Variants in VAV3 observed in about 807,000 individuals in gnomAD.
VAV3 encodes the protein guanine nucleotide exchange factor VAV3.
VAV3 carries 94 observed loss-of-function variants against 131.2 expected under a neutral mutation model. The observed-to-expected ratio is 0.72, with a 90% confidence interval of 0.61 to 0.85. The LOEUF (loss-of-function observed/expected upper bound fraction) is 0.85, where lower values mean the gene tolerates loss of function less well. VAV3 is among the 40% of genes least tolerant of loss of function. VAV3 has a pLI of 0.00. For missense variants in VAV3, 939 were observed against 1,002.7 expected (o/e 0.94, Z 0.86); for synonymous variants, 349 against 342.0 (o/e 1.02, Z -0.22).
chr1:107,875,526 A>T (rs1262194023), intron 1 of VAV3, among the ~76,000 whole-genome samples: 1 of 152,238 alleles, frequency 6.6e-6, no homozygotes, highest in Admixed American at 6.5e-5. Context: ...AGGCCCTGAC[A>T]TAGAGGCCTC....
chr1:107,641,283 C>T (rs1655317521), intron 20 of VAV3, among the ~76,000 whole-genome samples: 1 of 152,098 alleles, frequency 6.6e-6, no homozygotes, highest in Non-Finnish European at 1.5e-5. Context: ...AATAGCTGTC[C>T]CTTCTGCATG....
chr1:107,677,058 T>C (rs1570736051), intron 19 of VAV3, among the ~76,000 whole-genome samples: 1 of 152,162 alleles, frequency 6.6e-6, no homozygotes, highest in East Asian at 1.9e-4. Context: ...AACATAAGCT[T>C]TTATTTTCAT....
chr1:107,738,244 A>G (rs1328871359), intron 15 of VAV3, among the ~76,000 whole-genome samples: 1 of 152,140 alleles, frequency 6.6e-6, no homozygotes, highest in Non-Finnish European at 1.5e-5. Context: ...TAGGAGAAAA[A>G]CCTAATGTAA....
chr1:107,731,787 G>A (rs1316970979), intron 15 of VAV3, among the ~76,000 whole-genome samples: 1 of 152,158 alleles, frequency 6.6e-6, no homozygotes, highest in Non-Finnish European at 1.5e-5. Flanking sequence ...TGTTAAAATG[G>A]AGGAGCTTTA....
chr1:107,781,000 G>C (rs1665655711), intron 2 of VAV3, among the ~76,000 whole-genome samples: 1 of 152,130 alleles, frequency 6.6e-6, no homozygotes, highest in African/African-American at 2.4e-5. Flanking sequence ...ACATAAAAAT[G>C]AAGTCTCTCC....
At chr1:107,708,585 T>C (rs924080955) in intron 15 of VAV3, among the ~76,000 whole-genome samples, 1 of 152,170 alleles carries the variant, frequency 6.6e-6, no homozygotes, top group Non-Finnish European at 1.5e-5. Context: ...CCTGGCTCCA[T>C]CACAGGCCTT....
chr1:107,957,592 C>T (rs1200362169), intron 1 of VAV3, among the ~76,000 whole-genome samples: 1 of 151,936 alleles, frequency 6.6e-6, no homozygotes, highest in Admixed American at 6.6e-5. Flanking sequence ...AAAGAGAAAA[C>T]TCTAAAATGT....
intron 22 of VAV3, among the ~76,000 whole-genome samples, chr1:107,607,588 T>C (rs769513237): frequency 3.3e-4 from 50 of 152,264 alleles, no homozygotes; most frequent in Non-Finnish European, 2.6e-4. Flanking sequence ...CAGTGTCTCC[T>C]GCCACTGCAG....
chr1:107,802,897 T>G (rs1341170282), intron 2 of VAV3, among the ~76,000 whole-genome samples: 1 of 151,688 alleles, frequency 6.6e-6, no homozygotes, highest in Non-Finnish European at 1.5e-5. Flanking sequence ...TTTTTTTTTT[T>G]GAAGAGTTAG....
At chr1:107,625,178 C>T (rs1055302084) in intron 20 of VAV3, among the ~76,000 whole-genome samples, 3 of 152,010 alleles carry the variant, frequency 2.0e-5, no homozygotes, top group African/African-American at 7.3e-5. Context: ...CACAGTACTC[C>T]ACTCAGTCAT....
At chr1:107,636,288 C>T (rs990022102) in intron 20 of VAV3, among the ~76,000 whole-genome samples, 4 of 152,114 alleles carry the variant, frequency 2.6e-5, no homozygotes, top group Admixed American at 2.6e-4. Flanking sequence ...ATAGAAACTC[C>T]ACAGTGGAGA....
At chr1:107,587,708 G>A (rs938869072) in intron 25 of VAV3, among the ~76,000 whole-genome samples, 6 of 151,904 alleles carry the variant, frequency 3.9e-5, no homozygotes, top group Admixed American at 6.6e-5. Context: ...CTTCTGCCTC[G>A]GCCTCCCGAG....
intron 15 of VAV3, among the ~76,000 whole-genome samples, chr1:107,731,580 A>G (rs530771473): frequency 5.9e-5 from 9 of 152,320 alleles, no homozygotes; most frequent in African/African-American, 2.2e-4. Context: ...AACTCATTAT[A>G]AGGAAGAATC....
intron 1 of VAV3, among the ~76,000 whole-genome samples, chr1:107,889,644 C>G (rs534224412): frequency 5.9e-5 from 9 of 152,162 alleles, no homozygotes; most frequent in Non-Finnish European, 8.8e-5. Flanking sequence ...AAACCCTACA[C>G]CACATCTGCC....
intron 1 of VAV3, among the ~76,000 whole-genome samples, chr1:107,927,684 G>T (rs919520129): frequency 6.6e-6 from 1 of 151,838 alleles, no homozygotes. Flanking sequence ...ATGGGGTAAG[G>T]CTCCTCTGCC....
chr1:107,757,623 T>C (rs1664185582), intron 10 of VAV3, among the ~76,000 whole-genome samples: 2 of 152,210 alleles, frequency 1.3e-5, no homozygotes, highest in Admixed American at 6.5e-5. Flanking sequence ...TCCATAATGA[T>C]TAAAATCACA....
At chr1:107,820,698 T>TATTAATACCCTGATGTATTATTA (rs1276369413) in intron 2 of VAV3, 1 of 152,152 alleles carries the variant, frequency 6.6e-6, no homozygotes, top group Non-Finnish European at 1.5e-5. Context: ...TTAAGCCTTA[T>TATTAATACCCTGATGTATTATTA]AGGTCTGTAT....
chr1:107,780,394 T>C (rs1665624776), intron 2 of VAV3, among the ~76,000 whole-genome samples: 1 of 152,230 alleles, frequency 6.6e-6, no homozygotes, highest in Non-Finnish European at 1.5e-5. Flanking sequence ...TAAATCTAAA[T>C]GTTAAATATA....
At chr1:107,613,540 C>T (rs544103274) in intron 21 of VAV3, among the ~76,000 whole-genome samples, 2 of 152,074 alleles carry the variant, frequency 1.3e-5, no homozygotes, top group Non-Finnish European at 2.9e-5. Flanking sequence ...CATATATACC[C>T]AATTAGTGTC....
Sources: gnomAD v4.1 joint callset for allele counts (sites outside exome capture counted in the v4.1 genomes callset) on GRCh38, gnomAD v4.1.1 for gene constraint, MANE v1.5 for transcripts, NCBI Gene and HGNC (gene_info 2026-07-23, HGNC 2026-07-21) for gene names.